Variants in RETREG3 observed in about 807,000 individuals in gnomAD.
RETREG3 encodes the protein reticulophagy regulator 3.
In RETREG3, 23 loss-of-function variants were observed where a neutral mutation model predicts 50.2. The observed-to-expected ratio is 0.46, with a 90% CI of 0.33 to 0.65. The LOEUF is 0.65. RETREG3 is among the 30% of genes least tolerant of loss of function. The pLI is 0.02. For missense variants in RETREG3, 546 were observed against 598.0 expected, an observed-to-expected ratio of 0.91 and a Z score of 0.91; for synonymous variants, 240 against 234.4, an observed-to-expected ratio of 1.02 and a Z score of -0.22.
chr17:42,583,996 C>T (rs769504965), intron 6 of RETREG3, among the ~76,000 whole-genome samples: 43 of 152,160 alleles, frequency 2.8e-4, no homozygotes, highest in Non-Finnish European at 4.9e-4. Context: ...TTAGTAGAGA[C>T]GGGGTTTCAT....
At chr17:42,583,723 G>A in intron 6 of RETREG3, 143 bp from the exon 7 acceptor site, 1 of 621,330 alleles carries the variant, frequency 1.6e-6, no homozygotes, top group Non-Finnish European at 2.6e-6. Flanking sequence ...ACAGAAGGCT[G>A]AGCTGCTGAG....
chr17:42,607,918 CTG>C (rs2093171269), intron 1 of RETREG3, among the ~76,000 whole-genome samples: 1 of 152,162 alleles, frequency 6.6e-6, no homozygotes. Context: ...CCAGAGACTA[CTG>C]TGACACCTTT....
rs774851849 is a variant in RETREG3, at chr17:42,609,076, G to C, written c.239+10C>G. ...GACTCGGAGGGTTTCCGAGGGTCCA[G>C]TTCTCTCACCAGAAAGCCGCGTTCA... is the stretch of plus-strand genomic sequence containing the variant. On this transcript the variant is annotated intron_variant, in intron 1 of 8. Coordinates refer to ENST00000309428, the MANE Select transcript of RETREG3 (RefSeq NM_178126.4). The C allele has an allele frequency of 2.5e-6, 4 of 1,603,116 alleles. No individual in the cohort carries two copies. The highest frequency in any genetic ancestry group is 1.3e-5 in the African/African-American group (1 of 74,896).
chr17:42,597,867 T>C (rs2093150844), intron 1 of RETREG3, among the ~76,000 whole-genome samples: 1 of 151,094 alleles, frequency 6.6e-6, no homozygotes, highest in South Asian at 2.1e-4. Flanking sequence ...TGATCTCAAG[T>C]GATCAGCTCG....
chr17:42,582,845 G>T (rs935275626), intron 7 of RETREG3, 39 bp from the exon 8 acceptor site: 1 of 1,613,118 alleles, frequency 6.2e-7, no homozygotes, highest in South Asian at 1.1e-5. Context: ...AATGCCATCA[G>T]GAACCAGGTG....
At chr17:42,591,452 T>C (rs918282800) in intron 2 of RETREG3, among the ~76,000 whole-genome samples, 2 of 152,026 alleles carry the variant, frequency 1.3e-5, no homozygotes, top group Non-Finnish European at 2.9e-5. Flanking sequence ...GTGATTCTCC[T>C]GCCTCAGCCT....
chr17:42,609,313 G>A lies in RETREG3; in HGVS notation c.12C>T (p.Ala4=), dbSNP rs1431642424. MAE[A]EGVPTTPGPA... ...GGCCTGGGGTCGTGGGAACCCCTTCGGCCTCAGCCATCTCCCCGCGGCAGC... is the reference window on the plus strand; with the variant it reads ...GGCCTGGGGTCGTGGGAACCCCTTCAGCCTCAGCCATCTCCCCGCGGCAGC... The change falls in exon 1 of 9, where the codon GCC becomes GCT. Residue 4 remains alanine (A), a synonymous_variant. Transcript: ENST00000309428. 1 of 1,598,792 alleles carries A rather than the reference G, an allele frequency of 6.3e-7. No homozygotes were observed. The highest frequency in any genetic ancestry group is 1.7e-5 in the Admixed American group (1 of 59,774).
chr17:42,596,476 C>T (rs1447598927), intron 1 of RETREG3: 2 of 147,692 alleles, frequency 1.4e-5, no homozygotes, highest in African/African-American at 5.0e-5. Context: ...CATGAATAGA[C>T]ATTGCAGGAC....
At chr17:42,594,713 T>C (rs2093140263) in intron 1 of RETREG3, among the ~76,000 whole-genome samples, 1 of 151,042 alleles carries the variant, frequency 6.6e-6, no homozygotes, top group African/African-American at 2.4e-5. Context: ...TAGCCGGGCA[T>C]GGTGGCAGGT....
chr17:42,597,191 CTTT>C (rs35711566), intron 1 of RETREG3, among the ~76,000 whole-genome samples: 7 of 130,028 alleles, frequency 5.4e-5, no homozygotes, highest in Non-Finnish European at 3.3e-5. Context: ...TCTATTTTTT[CTTT>C]TTTTTTTTTT....
At chr17:42,582,386 G>T in intron 8 of RETREG3, 116 bp from the exon 9 acceptor site, 2 of 1,020,358 alleles carry the variant, frequency 2.0e-6, no homozygotes, top group Non-Finnish European at 1.4e-6. Context: ...AAACCCATGG[G>T]ACTGGTATAC....
At chr17:42,605,898 G>A (rs764617151) in intron 1 of RETREG3, among the ~76,000 whole-genome samples, 1 of 151,426 alleles carries the variant, frequency 6.6e-6, no homozygotes, top group Non-Finnish European at 1.5e-5. Context: ...GGCTGGGGTG[G>A]GAGAATCGCT....
chr17:42,581,999 CAT>C lies in RETREG3; in HGVS notation c.1213_1214del (p.Met405AspfsTer36). The C allele has an allele frequency of 6.2e-7, 1 of 1,614,156 alleles. No homozygotes were observed. On this transcript the variant is annotated frameshift_variant, in exon 9 of 9. Coordinates refer to ENST00000309428, the MANE Select transcript of RETREG3 (RefSeq NM_178126.4). LOFTEE classifies it high-confidence loss of function. ...SNLASLVSQG[M>X]IQLALSGASQ... is the part of the protein sequence containing the mutation. ...AGGCCCCTGACAAGGCCAGCTGAAT[CAT>C]ACCCTGGGAGACCAGGCTGGCAAGG...
chr17:42,605,566 C>T (rs2143432901), intron 1 of RETREG3, among the ~76,000 whole-genome samples: 1 of 152,338 alleles, frequency 6.6e-6, no homozygotes, highest in African/African-American at 2.4e-5. Flanking sequence ...CAAGGAAGCT[C>T]ATTTCCCCAA....
chr17:42,599,352 A>G (rs1421533285), intron 1 of RETREG3, among the ~76,000 whole-genome samples: 1 of 152,160 alleles, frequency 6.6e-6, no homozygotes, highest in Non-Finnish European at 1.5e-5. Context: ...GGTAGGCTGG[A>G]AAAATTGAAA....
Position 42,586,941 on chromosome 17 carries a change from C to T in RETREG3, c.378-50G>A, listed in dbSNP as rs749175625. 11 of 1,602,960 alleles carry T rather than the reference C, an allele frequency of 6.9e-6. No individual in the cohort carries two copies. The Admixed American group carries it at 1.4e-4, about 20-fold the overall frequency. On this transcript the variant is annotated intron_variant, in intron 3 of 8. Coordinates refer to ENST00000309428, the MANE Select transcript of RETREG3 (RefSeq NM_178126.4). ...GTGAAAGGAGGGTGTTGAGGGTCCC[C>T]CCATCTTGCTGTGCAGGCAGCCAGT...
At chr17:42,585,289 C>T in intron 5 of RETREG3, 27 bp from the exon 6 acceptor site, 1 of 1,609,288 alleles carries the variant, frequency 6.2e-7, no homozygotes, top group Non-Finnish European at 8.5e-7. Flanking sequence ...GAAACAGTGA[C>T]AAAATGGAGA....
At chr17:42,588,270 T>C (rs1375435666) in intron 2 of RETREG3, among the ~76,000 whole-genome samples, 1 of 152,244 alleles carries the variant, frequency 6.6e-6, no homozygotes, top group Non-Finnish European at 1.5e-5. Flanking sequence ...TTTATTTTTT[T>C]TGAGACAGAG....
chr17:42,581,924 G>A lies in RETREG3; in HGVS notation c.1290C>T (p.Phe430=). The A allele has an allele frequency of 6.2e-7, 1 of 1,614,194 alleles. No homozygotes were observed. Among genetic ancestry groups the A allele is most frequent in the South Asian group, 1.1e-5 (1 of 91,086 alleles). Residue 430 remains phenylalanine, a synonymous_variant, in exon 9 of 9, where the codon TTC becomes TTT. Transcript: ENST00000309428. Reference sequence around the variant, plus strand: ...CCAGGTCTGAACTGGGGGACCGGAGGAAGCCTCTCGTTGCTCTCTGGGCAG... The same window carrying A: ...CCAGGTCTGAACTGGGGGACCGGAGAAAGCCTCTCGTTGCTCTCTGGGCAG... ...GAPAQRATRG[F]LRSPSSDLDT...
Sources: allele counts gnomAD v4.1 joint callset (sites outside exome capture counted in the v4.1 genomes callset), GRCh38; gene constraint gnomAD v4.1.1; transcripts MANE v1.5; gene names NCBI Gene and HGNC (gene_info 2026-07-23, HGNC 2026-07-21).